Variants in VWA8 observed in about 807,000 individuals in gnomAD.
VWA8 encodes von Willebrand factor A domain containing 8.
A neutral mutation model predicts 241.5 loss-of-function variants in VWA8; 221 were observed. The ratio of observed to expected loss-of-function variants is 0.91; its 90% CI spans 0.82 to 1.02. VWA8 has a LOEUF of 1.02. VWA8 is among the 50% of genes least tolerant of loss of function. The pLI, the probability that VWA8 is intolerant of heterozygous loss-of-function variation, is 0.00. For missense variants in VWA8, 2,322 were observed against 2,328.7 expected (o/e 1.00, Z 0.06); for synonymous variants, 852 against 827.1 (o/e 1.03, Z -0.52).
At chr13:41,866,364 T>C (rs1008913939) in intron 10 of VWA8, among the ~76,000 whole-genome samples, 15 of 149,742 alleles carry the variant, frequency 1.0e-4, no homozygotes, top group Non-Finnish European at 1.2e-4. Context: ...AAAAAATATA[T>C]ATATATATAT....
rs1467814000 is a variant in VWA8, at chr13:41,787,366, T to TA, written c.2170+70dup. ...TTTAACTGTTTATTTTAACTGGAAT[T>TA]AAAATAAACAGCATCAAATGTTTGT... On this transcript the variant is annotated intron_variant, in intron 18 of 44. Coordinates refer to ENST00000379310, the MANE Select transcript of VWA8 (RefSeq NM_015058.2). The TA allele has an allele frequency of 3.2e-6, 4 of 1,267,320 alleles. No homozygotes were observed. In the East Asian group the frequency reaches 9.5e-5, roughly 30 times the overall value. The allele number at this position is 1,267,320 out of a possible 1,614,324, so 78.5% of individuals were successfully genotyped here.
intron 37 of VWA8, among the ~76,000 whole-genome samples, chr13:41,669,354 A>G (rs1369618145): frequency 6.6e-6 from 1 of 152,220 alleles, no homozygotes; most frequent in Non-Finnish European, 1.5e-5. Context: ...GTGACAGTTT[A>G]AAAGAAAAAT....
intron 20 of VWA8, among the ~76,000 whole-genome samples, chr13:41,773,917 T>A (rs1490158946): frequency 6.6e-6 from 1 of 152,312 alleles, no homozygotes; most frequent in Admixed American, 6.5e-5. Flanking sequence ...TAGAACTATA[T>A]CCAGTTGAAT....
chr13:41,823,734 T>C (rs753163534), intron 14 of VWA8, among the ~76,000 whole-genome samples: 1 of 152,150 alleles, frequency 6.6e-6, no homozygotes, highest in African/African-American at 2.4e-5. Flanking sequence ...TCTAAGGGTA[T>C]GTTAGGCATG....
intron 12 of VWA8, among the ~76,000 whole-genome samples, chr13:41,836,606 C>A (rs1871742036): frequency 6.6e-6 from 1 of 152,116 alleles, no homozygotes; most frequent in African/African-American, 2.4e-5. Context: ...AGCACTATTT[C>A]ATTTGGTTAT....
chr13:41,585,391 A>T (rs1305842075), intron 42 of VWA8, among the ~76,000 whole-genome samples: 2 of 151,880 alleles, frequency 1.3e-5, no homozygotes, highest in African/African-American at 4.8e-5. Flanking sequence ...GTGTCAACCA[A>T]TTTGTTGGTT....
At chr13:41,819,944 T>C (rs1870877747) in intron 14 of VWA8, among the ~76,000 whole-genome samples, 1 of 152,192 alleles carries the variant, frequency 6.6e-6, no homozygotes, top group Non-Finnish European at 1.5e-5. Context: ...AAAACCTTTA[T>C]AGAATGCATT....
intron 8 of VWA8, among the ~76,000 whole-genome samples, chr13:41,884,579 G>GAA (rs11441652): frequency 2.8e-4 from 41 of 145,242 alleles, no homozygotes; most frequent in Middle Eastern, 7.1e-3. Flanking sequence ...AATGGTTCAG[G>GAA]AAAAAAAAAA....
intron 12 of VWA8, among the ~76,000 whole-genome samples, chr13:41,847,819 A>G (rs1056061473): frequency 1.3e-5 from 2 of 152,250 alleles, no homozygotes; most frequent in African/African-American, 4.8e-5. Flanking sequence ...GATCTGATTT[A>G]CATTCTTAAG....
intron 12 of VWA8, among the ~76,000 whole-genome samples, chr13:41,855,371 T>TTATATAAAATATATTTA (rs1413105438): frequency 6.9e-6 from 1 of 145,060 alleles, no homozygotes; most frequent in Admixed American, 7.0e-5. Flanking sequence ...TATATTAATA[T>TTATATAAAATATATTTA]TATATAAAAT....
At chr13:41,912,260 T>TAA (rs1491201130) in intron 2 of VWA8, 92 bp from the exon 3 acceptor site, 13 of 771,398 alleles carry the variant, frequency 1.7e-5, no homozygotes, top group South Asian at 9.8e-5. Flanking sequence ...TATATATATA[T>TAA]AACGTATATA....
intron 12 of VWA8, among the ~76,000 whole-genome samples, chr13:41,834,632 G>A (rs572882816): frequency 2.1e-4 from 32 of 152,298 alleles, no homozygotes; most frequent in African/African-American, 4.6e-4. Context: ...TTACACTGTT[G>A]GGAGTGTAAA....
At chr13:41,798,385 G>T (rs1302277589) in intron 17 of VWA8, among the ~76,000 whole-genome samples, 1 of 152,140 alleles carries the variant, frequency 6.6e-6, no homozygotes, top group Non-Finnish European at 1.5e-5. Context: ...ACTACTAAAC[G>T]TAGTAAGCTC....
chr13:41,888,389 G>A (rs1446646383), intron 5 of VWA8, among the ~76,000 whole-genome samples: 1 of 152,128 alleles, frequency 6.6e-6, no homozygotes, highest in Non-Finnish European at 1.5e-5. Flanking sequence ...GGCCTTTCCT[G>A]GCAGAAGCCC....
intron 7 of VWA8, among the ~76,000 whole-genome samples, 170 bp from the exon 8 acceptor site, chr13:41,886,198 AT>A (rs1874526487): frequency 6.6e-6 from 1 of 152,182 alleles, no homozygotes; most frequent in Non-Finnish European, 1.5e-5. Context: ...TCAGAAGCTG[AT>A]TAGATGCAAA....
intron 26 of VWA8, 48 bp from the exon 27 acceptor site, chr13:41,703,459 C>G: frequency 6.4e-7 from 1 of 1,554,394 alleles, no homozygotes; most frequent in Non-Finnish European, 8.8e-7. Flanking sequence ...GTACCCAAGT[C>G]ATAGAAAAAA....
intron 37 of VWA8, among the ~76,000 whole-genome samples, chr13:41,663,453 T>C (rs1439893865): frequency 7.3e-6 from 1 of 136,980 alleles, no homozygotes; most frequent in Non-Finnish European, 1.5e-5. Context: ...GTATAACAAT[T>C]TAAAATAGCA....
At chr13:41,837,028 AGATAGAT>A (rs1369547055) in intron 12 of VWA8, among the ~76,000 whole-genome samples, 1 of 144,500 alleles carries the variant, frequency 6.9e-6, no homozygotes, top group African/African-American at 2.6e-5. Context: ...ACACACGTGC[AGATAGAT>A]GATAGATAGA....
chr13:41,949,557 T>C (rs1260961128), intron 2 of VWA8, among the ~76,000 whole-genome samples: 1 of 151,796 alleles, frequency 6.6e-6, no homozygotes, highest in Non-Finnish European at 1.5e-5. Flanking sequence ...CAAACCACCA[T>C]GGCACGTGTA....
Sources: allele counts gnomAD v4.1 joint callset (sites outside exome capture counted in the v4.1 genomes callset), GRCh38; gene constraint gnomAD v4.1.1; transcripts MANE v1.5; gene names NCBI Gene and HGNC (gene_info 2026-07-23, HGNC 2026-07-21).